Variants in RBFOX1 observed in about 807,000 individuals in gnomAD.
The protein encoded by RBFOX1 is RNA binding protein fox-1 homolog 1.
RBFOX1 carries 8 observed loss-of-function variants against 57.7 expected under a neutral mutation model. That is an observed-to-expected ratio of 0.14 (90% confidence interval 0.08 to 0.25). RBFOX1 has a LOEUF of 0.25. RBFOX1 is among the 10% of genes least tolerant of loss of function. The pLI, the probability that RBFOX1 is intolerant of heterozygous loss-of-function variation, is 1.00. For missense variants in RBFOX1, 611 were observed against 548.5 expected, an observed-to-expected ratio of 1.11 and a Z score of -1.14; for synonymous variants, 326 against 222.4, an observed-to-expected ratio of 1.47 and a Z score of -4.15.
Position 7,203,770 on chromosome 16 carries a change from C to T in RBFOX1, c.27+151672C>T, listed in dbSNP as rs554068296. Among the ~76,000 whole-genome samples, 14 of 152,248 alleles carry T rather than the reference C, an allele frequency of 9.2e-5. No individual in the cohort carries two copies. The South Asian group carries it at 2.9e-3, about 32-fold the overall frequency. The stretch of plus-strand genomic sequence containing the variant: ...GGTTAGTGACTCTTTCTCGAAATCT[C>T]CTCATAACCCACCAAGCAAAGGCAA... On this transcript the variant is annotated intron_variant, in intron 4 of 15. Coordinates refer to ENST00000550418, the MANE Select transcript of RBFOX1 (RefSeq NM_018723.4).
At chr16:5,939,383 G>C (rs4378614) in intron 4 of RBFOX1, among the ~76,000 whole-genome samples, 44,816 of 152,172 alleles carry the variant, frequency 0.29, 6,748 homozygotes, top group Admixed American at 0.36. Flanking sequence ...CCCAGGGTCT[G>C]TCATGAGTTT....
chr16:7,473,006 A>G (rs1003433885), intron 4 of RBFOX1, among the ~76,000 whole-genome samples: 7 of 151,460 alleles, frequency 4.6e-5, no homozygotes, highest in Non-Finnish European at 5.9e-5. Context: ...ATTCCTCTCA[A>G]CCTCACAGTC....
At chr16:6,986,266 T>A (rs1417324901) in intron 3 of RBFOX1, among the ~76,000 whole-genome samples, 1 of 151,976 alleles carries the variant, frequency 6.6e-6, no homozygotes, top group East Asian at 1.9e-4. Flanking sequence ...AATGGCATGA[T>A]CTTGGCTCAC....
intron 1 of RBFOX1, among the ~76,000 whole-genome samples, chr16:6,143,959 C>CTA (rs71142686): frequency 0.22 from 30,044 of 139,724 alleles, 3,133 homozygotes; most frequent in Middle Eastern, 0.31. Context: ...CCATACTCAG[C>CTA]TATATATATA....
intron 3 of RBFOX1, among the ~76,000 whole-genome samples, chr16:6,736,101 C>G (rs577017057): frequency 1.3e-5 from 2 of 151,848 alleles, no homozygotes; most frequent in Non-Finnish European, 2.9e-5. Flanking sequence ...ATTATTTTAG[C>G]CATCCAAGGA....
At chr16:5,627,425 G>A (rs2048378056) in intron 3 of RBFOX1, among the ~76,000 whole-genome samples, 1 of 152,154 alleles carries the variant, frequency 6.6e-6, no homozygotes, top group Non-Finnish European at 1.5e-5. Context: ...TGGGGTGTGT[G>A]TGTGTGTGTG....
At chr16:6,041,945 C>T (rs2095440803) in intron 1 of RBFOX1, among the ~76,000 whole-genome samples, 1 of 152,068 alleles carries the variant, frequency 6.6e-6, no homozygotes, top group Admixed American at 6.6e-5. Flanking sequence ...AGCTTCTTAC[C>T]TTCTGGAGGC....
At chr16:6,822,287 A>T (rs80272134) in intron 3 of RBFOX1, among the ~76,000 whole-genome samples, 1 of 152,082 alleles carries the variant, frequency 6.6e-6, no homozygotes, top group Admixed American at 6.5e-5. Flanking sequence ...TTTCCATTCT[A>T]TCACCATTAT....
intron 3 of RBFOX1, among the ~76,000 whole-genome samples, chr16:6,867,386 C>G (rs979931274): frequency 1.3e-5 from 2 of 151,590 alleles, no homozygotes; most frequent in Admixed American, 1.3e-4. Flanking sequence ...CCTTTATAAA[C>G]CAGAATTTTT....
chr16:7,531,968 A>G (rs574706831), intron 5 of RBFOX1, among the ~76,000 whole-genome samples: 3 of 152,268 alleles, frequency 2.0e-5, no homozygotes, highest in East Asian at 3.9e-4. Context: ...CCATTTGGCA[A>G]GCTCACAAGA....
chr16:5,778,410 G>C (rs1197672110), intron 3 of RBFOX1, among the ~76,000 whole-genome samples: 1 of 152,052 alleles, frequency 6.6e-6, no homozygotes, highest in Non-Finnish European at 1.5e-5. Context: ...CCTTCACCTG[G>C]TTCACAATCT....
At chr16:6,134,231 C>G (rs1011781390) in intron 1 of RBFOX1, among the ~76,000 whole-genome samples, 4 of 152,136 alleles carry the variant, frequency 2.6e-5, no homozygotes, top group African/African-American at 4.8e-5. Context: ...GCCACCACAC[C>G]CAGCCTAATT....
intron 2 of RBFOX1, among the ~76,000 whole-genome samples, chr16:6,610,314 G>C (rs1299269962): frequency 6.6e-6 from 1 of 152,074 alleles, no homozygotes; most frequent in East Asian, 1.9e-4. Context: ...ATCTGGACCA[G>C]GGAAACATTG....
chr16:7,170,355 T>G (rs2152451822), intron 4 of RBFOX1, among the ~76,000 whole-genome samples: 1 of 152,222 alleles, frequency 6.6e-6, no homozygotes, highest in South Asian at 2.1e-4. Flanking sequence ...TCACTGCCGC[T>G]TGAACTCCTG....
chr16:5,903,098 G>A (rs745317146), intron 4 of RBFOX1, among the ~76,000 whole-genome samples: 1 of 151,850 alleles, frequency 6.6e-6, no homozygotes, highest in Non-Finnish European at 1.5e-5. Context: ...GGGTGTGTGT[G>A]GGTGTGTGTG....
At chr16:6,353,491 A>G (rs1288769011) in intron 2 of RBFOX1, among the ~76,000 whole-genome samples, 3 of 151,752 alleles carry the variant, frequency 2.0e-5, no homozygotes, top group Admixed American at 2.0e-4. Flanking sequence ...GTCCCTTTTA[A>G]GTGTAGGGCA....
chr16:6,662,544 C>T (rs1175242944), intron 3 of RBFOX1, among the ~76,000 whole-genome samples: 1 of 152,110 alleles, frequency 6.6e-6, no homozygotes, highest in Non-Finnish European at 1.5e-5. Context: ...GAGGTACCTT[C>T]AGGCAGTTCA....
At chr16:6,945,091 C>G (rs1598009606) in intron 3 of RBFOX1, among the ~76,000 whole-genome samples, 1 of 152,100 alleles carries the variant, frequency 6.6e-6, no homozygotes, top group Non-Finnish European at 1.5e-5. Context: ...CAGGGGCCAG[C>G]TCTGCACCCA....
At chr16:6,014,531 A>G (rs998299338), upstream of RBFOX1, among the ~76,000 whole-genome samples, 1 of 152,176 alleles carries the variant, frequency 6.6e-6, no homozygotes, top group African/African-American at 2.4e-5. Context: ...CAAGCAATCA[A>G]TAACTATATA....
Sources: gnomAD v4.1 joint callset for allele counts (sites outside exome capture counted in the v4.1 genomes callset) on GRCh38, gnomAD v4.1.1 for gene constraint, MANE v1.5 for transcripts, NCBI Gene and HGNC (gene_info 2026-07-23, HGNC 2026-07-21) for gene names.